Variants in MKX observed in about 807,000 individuals in gnomAD.
MKX encodes the protein homeobox protein Mohawk.
A neutral mutation model predicts 36.0 loss-of-function variants in MKX; 13 were observed. That is an observed-to-expected ratio of 0.36 (90% CI 0.24 to 0.57). The LOEUF (loss-of-function observed/expected upper bound fraction) is 0.57. Ranked by LOEUF, MKX falls within the 20% of genes least tolerant of loss-of-function variation. The probability of loss-of-function intolerance (pLI) is 0.79; values close to 1 mark genes in which losing one functional copy is unlikely to be tolerated. For missense variants in MKX, 458 were observed against 456.4 expected, an observed-to-expected ratio of 1.00 and a Z score of -0.03; for synonymous variants, 176 against 178.3, an observed-to-expected ratio of 0.99 and a Z score of 0.10.
chr10:27,723,464 A>G (rs1026675601), intron 5 of MKX, among the ~76,000 whole-genome samples: 3 of 152,214 alleles, frequency 2.0e-5, no homozygotes, highest in Admixed American at 1.3e-4. Context: ...TAAGAAAAAA[A>G]TGGAAAACAA....
At chr10:27,699,721 C>T (rs941417652) in intron 5 of MKX, among the ~76,000 whole-genome samples, 1 of 152,174 alleles carries the variant, frequency 6.6e-6, no homozygotes, top group Admixed American at 6.5e-5. Flanking sequence ...GGGATTAACT[C>T]CCTCAGAAAG....
chr10:27,742,836 C>T lies in MKX; in HGVS notation c.188+392G>A, dbSNP rs964194822. On this transcript the variant is annotated intron_variant, in intron 2 of 6. Transcript: ENST00000419761. The surrounding 1 kb of genome is among the most constrained non-coding windows in gnomAD (Gnocchi z 4.2). ...GAAGTCCGCGGAGCCTGAGCCTGGA[C>T]TCCCCGACTGCTCGGCTTCGCCTGT... Among the ~76,000 whole-genome samples the T allele has an allele frequency of 1.3e-5, 2 of 152,236 alleles. No individual in the cohort carries two copies. The highest frequency in any genetic ancestry group is 4.1e-4 in the South Asian group (2 of 4,828).
intron 5 of MKX, among the ~76,000 whole-genome samples, chr10:27,696,423 C>T (rs920885370): frequency 2.6e-5 from 4 of 152,156 alleles, no homozygotes; most frequent in African/African-American, 4.8e-5. Context: ...TTAAGATTTA[C>T]CTTGAAATGG....
At chr10:27,707,871 C>A (rs1045703043) in intron 5 of MKX, among the ~76,000 whole-genome samples, 48 of 152,050 alleles carry the variant, frequency 3.2e-4, no homozygotes, top group African/African-American at 1.2e-3. Flanking sequence ...AGCTTATATC[C>A]TCTAAACAAA....
At position 27,735,291 on chromosome 10, in the gene MKX, C is replaced by A; in HGVS notation, c.432G>T (p.Lys144Asn). 6.2e-7 allele frequency: 1 copy of A among 1,613,884 alleles called. No homozygotes were observed. Among genetic ancestry groups the A allele is most frequent in the East Asian group, 2.2e-5 (1 of 44,864 alleles). The change falls in exon 4 of 7, where the codon AAG becomes AAT. Residue 144 changes from lysine (K) to asparagine (N), a missense_variant. Physicochemically the swap from Lys to Asn is moderately conservative, Grantham distance 94. Coordinates refer to ENST00000419761, the MANE Select transcript of MKX (RefSeq NM_173576.3). ...TGCCTTGAACATACTTGTTGTATAA[C>A]TTTATTCTCAAAGCCCAGCTTAAAT... ...QPDLSWALRI[K>N]LYNKYVQGNA... is the part of the protein sequence containing the mutation.
intron 5 of MKX, among the ~76,000 whole-genome samples, chr10:27,691,038 G>A (rs1013614769): frequency 2.0e-5 from 3 of 152,002 alleles, no homozygotes; most frequent in African/African-American, 4.8e-5. Flanking sequence ...TTCTCCTTCC[G>A]CCATGATTGT....
chr10:27,711,656 C>T (rs143867815), intron 5 of MKX, among the ~76,000 whole-genome samples: 116 of 151,316 alleles, frequency 7.7e-4, no homozygotes, highest in African/African-American at 2.4e-3. Context: ...ACTGCAGCTT[C>T]GAACTCCTGG....
rs1425850636 is a variant in MKX at position 27,673,538 on chromosome 10, A to G, written c.*1691T>C. On this transcript the variant is annotated 3_prime_UTR_variant, in exon 7 of 7. Transcript: ENST00000419761. ...AGATCTCTAACTATTTAAGGATGCA[A>G]ACCAAAAGAACTCATACTTCATCTG... 6.6e-6 allele frequency: 1 copy of G among 152,602 alleles called. No individual in the cohort carries two copies. The highest frequency in any genetic ancestry group is 1.5e-5 in the Non-Finnish European group (1 of 68,014). The allele number at this position is 152,602 out of a possible 1,614,324, so 9.5% of individuals were successfully genotyped here.
chr10:27,714,244 TGGTTTAAATAAA>T (rs1269485016), intron 5 of MKX, among the ~76,000 whole-genome samples: 7 of 152,130 alleles, frequency 4.6e-5, no homozygotes, highest in African/African-American at 1.7e-4. Context: ...GCAGTCTCTG[TGGTTTAAATAAA>T]ATGTATGTAG....
At chr10:27,730,152 G>A (rs1834592069) in intron 5 of MKX, among the ~76,000 whole-genome samples, 1 of 152,152 alleles carries the variant, frequency 6.6e-6, no homozygotes, top group Admixed American at 6.5e-5. Flanking sequence ...ACATTTAGAT[G>A]CAATGACCTT....
intron 5 of MKX, among the ~76,000 whole-genome samples, chr10:27,709,810 C>T (rs145473103): frequency 4.1e-4 from 62 of 152,314 alleles, no homozygotes; most frequent in African/African-American, 1.4e-3. Flanking sequence ...TAAGGCAGTG[C>T]TGTCAATAGA....
Position 27,734,464 on chromosome 10 carries a change from TAGAC to T in MKX, c.826_829del (p.Val276IlefsTer38). On this transcript the variant is annotated frameshift_variant, in exon 5 of 7. Transcript: ENST00000419761. LOFTEE classifies it high-confidence loss of function. ...AGAAAGCACGGACTTACCTGTGCGA[TAGAC>T]AAAGTTGCCTTCAGTTTCTGATGAC... The T allele has an allele frequency of 6.2e-7, 1 of 1,613,988 alleles. No individual in the cohort carries two copies.
intron 5 of MKX, 31 bp downstream of exon 5, chr10:27,734,425 G>T (rs377522552): frequency 1.3e-6 from 2 of 1,580,978 alleles, no homozygotes; most frequent in African/African-American, 2.7e-5. Flanking sequence ...AACAGGTATC[G>T]CAGGAATTAC....
intron 3 of MKX, among the ~76,000 whole-genome samples, chr10:27,736,168 C>T (rs1397726042): frequency 6.6e-6 from 1 of 151,956 alleles, no homozygotes; most frequent in Non-Finnish European, 1.5e-5. Context: ...AAAGCAGGGT[C>T]AAGGGCCAAG....
chr10:27,710,460 C>G (rs1318382009), intron 5 of MKX, among the ~76,000 whole-genome samples: 2 of 152,158 alleles, frequency 1.3e-5, no homozygotes, highest in Admixed American at 1.3e-4. Context: ...TCCCCAATGT[C>G]CTCCAATAGA....
At chr10:27,712,848 G>T (rs76238803) in intron 5 of MKX, among the ~76,000 whole-genome samples, 2 of 152,108 alleles carry the variant, frequency 1.3e-5, no homozygotes, top group African/African-American at 2.4e-5. Context: ...GAGGTGGGGG[G>T]ACGGCTTGAG....
intron 5 of MKX, among the ~76,000 whole-genome samples, chr10:27,711,489 CT>C (rs1836862400): frequency 6.1e-5 from 3 of 49,192 alleles, no homozygotes; most frequent in East Asian, 7.4e-4. Context: ...CTTTCTCTCT[CT>C]CTCTCTTCTT....
At chr10:27,701,902 A>G (rs1352925310) in intron 5 of MKX, among the ~76,000 whole-genome samples, 3 of 151,600 alleles carry the variant, frequency 2.0e-5, no homozygotes, top group Admixed American at 6.6e-5. Context: ...ACACACAAAC[A>G]CACACACAAA....
chr10:27,687,860 G>A (rs1156308527), intron 5 of MKX, among the ~76,000 whole-genome samples: 2 of 152,224 alleles, frequency 1.3e-5, no homozygotes, highest in Non-Finnish European at 2.9e-5. Context: ...GTCTGGAAAT[G>A]TTAAGTATTC....
Sources: gnomAD v4.1 joint callset for allele counts (sites outside exome capture counted in the v4.1 genomes callset) on GRCh38, gnomAD v4.1.1 for gene constraint, Gnocchi (gnomAD v3.1) non-coding constraint, MANE v1.5 for transcripts, NCBI Gene and HGNC (gene_info 2026-07-23, HGNC 2026-07-21) for gene names.